CDK12: variants seen among roughly 807,000 people sequenced by gnomAD.
CDK12 encodes the protein cyclin dependent kinase 12.
CDK12 carries 17 observed loss-of-function variants against 133.8 expected under a neutral mutation model. The ratio of observed to expected loss-of-function variants is 0.13; its 90% CI spans 0.09 to 0.19. CDK12 has a LOEUF of 0.19. CDK12 is among the 10% of genes least tolerant of loss of function. The pLI is 1.00. For synonymous variants in CDK12, 694 were observed against 683.6 expected, an observed-to-expected ratio of 1.02 and a Z score of -0.24; for missense variants, 1,508 against 1,818.7, an observed-to-expected ratio of 0.83 and a Z score of 3.11.
At chr17:39,515,137 G>C (rs1368277532) in intron 8 of CDK12, among the ~76,000 whole-genome samples, 1 of 152,124 alleles carries the variant, frequency 6.6e-6, no homozygotes, top group Non-Finnish European at 1.5e-5. Flanking sequence ...ACTTGAACCT[G>C]GGAGGCAAAG....
intron 13 of CDK12, among the ~76,000 whole-genome samples, chr17:39,529,700 A>G (rs1374915727): frequency 6.6e-6 from 1 of 152,244 alleles, no homozygotes; most frequent in African/African-American, 2.4e-5. Context: ...AGCAGTGGAA[A>G]AAAGAAAGTC....
intron 2 of CDK12, among the ~76,000 whole-genome samples, chr17:39,475,346 A>G (rs1400708250): frequency 5.9e-5 from 9 of 151,838 alleles, no homozygotes; most frequent in Non-Finnish European, 1.3e-4. Context: ...GGTGGCAGGT[A>G]CCTTTAGCCC....
At chr17:39,540,134 G>T (rs1225094910) in intron 1 of CDK12, among the ~76,000 whole-genome samples, 20 of 152,202 alleles carry the variant, frequency 1.3e-4, no homozygotes. Flanking sequence ...AGTAGAGTAA[G>T]ACAAGGAGAA....
intron 1 of CDK12, among the ~76,000 whole-genome samples, chr17:39,464,682 A>G (rs894000677): frequency 3.3e-5 from 5 of 152,094 alleles, no homozygotes; most frequent in African/African-American, 1.2e-4. Context: ...AAAATTTTCC[A>G]GCACAGAAAG....
chr17:39,476,749 G>A (rs1185848836), intron 2 of CDK12, among the ~76,000 whole-genome samples: 2 of 8,274 alleles, frequency 2.4e-4, no homozygotes, highest in Admixed American at 4.5e-3. Flanking sequence ...TTGAGACAGA[G>A]TTCTGCTCTG....
rs1311838642 is a variant in CDK12, at chr17:39,530,901, C to T, written c.4058C>T (p.Thr1353Ile). Residue 1353 changes from threonine to isoleucine, a missense_variant, in exon 14 of 14, where the codon ACT becomes ATT. Thr to Ile is a moderately conservative substitution (Grantham distance 89). Around this residue, in one of 9 missense-constraint regions of CDK12, gnomAD observed 399 missense variants for 469.6 expected, o/e 0.85. Transcript: ENST00000447079. ...GPETGFSAID[T>I]DERNSGPALT... ...GAAACAGGGTTCAGTGCCATTGACA[C>T]TGATGAACGAAACTCTGGTCCAGCC... The T allele has an allele frequency of 6.2e-7, 1 of 1,614,058 alleles. No homozygotes were observed. The highest frequency in any genetic ancestry group is 8.5e-7 in the Non-Finnish European group (1 of 1,180,034).
chr17:39,542,336 G>A (rs2055465929), intron 1 of CDK12, among the ~76,000 whole-genome samples: 1 of 151,394 alleles, frequency 6.6e-6, no homozygotes, highest in Non-Finnish European at 1.5e-5. Context: ...TAATTTTTTT[G>A]TATTATGTAG....
chr17:39,491,828 G>A (rs1010632597), intron 3 of CDK12, among the ~76,000 whole-genome samples: 1 of 147,386 alleles, frequency 6.8e-6, no homozygotes, highest in Non-Finnish European at 1.5e-5. Flanking sequence ...AGTAAAAAAT[G>A]TATAAAAGAT....
At chr17:39,510,114 C>CTCTT (rs1555569938) in intron 7 of CDK12, among the ~76,000 whole-genome samples, 71 of 125,472 alleles carry the variant, frequency 5.7e-4, no homozygotes, top group African/African-American at 2.3e-3. Context: ...CAATCTCTCT[C>CTCTT]TTTTTTTTTT....
intron 1 of CDK12, 43 bp from the exon 2 acceptor site, chr17:39,470,836 T>C (rs947889462): frequency 3.4e-6 from 5 of 1,481,742 alleles, no homozygotes; most frequent in South Asian, 2.6e-5. Context: ...CTCCATATAC[T>C]ACTGTAGTCC....
chr17:39,525,434 T>G (rs118005313), intron 12 of CDK12, among the ~76,000 whole-genome samples: 162 of 152,358 alleles, frequency 1.1e-3, no homozygotes, highest in South Asian at 2.5e-3. Flanking sequence ...TCTTCACTTA[T>G]AGCAGTGGCT....
chr17:39,528,034 G>A lies in CDK12; in HGVS notation c.3760+1718G>A, dbSNP rs929855891. Among the ~76,000 whole-genome samples the A allele has an allele frequency of 2.6e-5, 4 of 152,010 alleles. No individual in the cohort carries two copies. The East Asian group carries it at 7.8e-4, about 29-fold the overall frequency. On this transcript the variant is annotated intron_variant, in intron 13 of 13. Transcript: ENST00000447079. ...GGGTTCAAGCAATTCTCCTGCCTCAGCCTCCCAAGTAGCTGGGATTACAGG... is the reference window on the plus strand; with the variant it reads ...GGGTTCAAGCAATTCTCCTGCCTCAACCTCCCAAGTAGCTGGGATTACAGG...
chr17:39,544,625 C>CTTTTTTT (rs71147355), upstream of CDK12, among the ~76,000 whole-genome samples: 1 of 60,908 alleles, frequency 1.6e-5, no homozygotes, highest in Non-Finnish European at 3.0e-5. Context: ...AACAGGCGAT[C>CTTTTTTT]TTTTTTTTTT....
At chr17:39,480,253 A>G (rs1316330651) in intron 2 of CDK12, among the ~76,000 whole-genome samples, 1 of 147,694 alleles carries the variant, frequency 6.8e-6, no homozygotes, top group African/African-American at 2.5e-5. Flanking sequence ...TGGGAAAAGA[A>G]TGAAACTTTA....
At chr17:39,502,277 C>T (rs527592367) in intron 6 of CDK12, among the ~76,000 whole-genome samples, 9 of 152,212 alleles carry the variant, frequency 5.9e-5, no homozygotes, top group East Asian at 3.9e-4. Context: ...CTCAGCTTCC[C>T]GAATAGCTGG....
intron 5 of CDK12, among the ~76,000 whole-genome samples, chr17:39,495,165 G>A (rs2051975958): frequency 6.6e-6 from 1 of 152,034 alleles, no homozygotes. Flanking sequence ...TGCAGCCTCT[G>A]CCTCTCGGGT....
chr17:39,516,364 AT>A (rs796443700), intron 9 of CDK12, among the ~76,000 whole-genome samples: 82 of 145,444 alleles, frequency 5.6e-4, no homozygotes, highest in Admixed American at 6.9e-4. Flanking sequence ...TGTTTTTTGT[AT>A]TTTTTTTTTT....
At chr17:39,468,931 T>C (rs7223896) in intron 1 of CDK12, among the ~76,000 whole-genome samples, 96,113 of 151,902 alleles carry the variant, frequency 0.63, 33,103 homozygotes, top group South Asian at 0.89. Flanking sequence ...TGGGTTCAAG[T>C]GATTCTCCTC....
intron 6 of CDK12, 49 bp downstream of exon 6, chr17:39,501,488 C>T (rs1237542583): frequency 7.6e-7 from 1 of 1,309,846 alleles, no homozygotes; most frequent in Non-Finnish European, 1.1e-6. Flanking sequence ...TCTCCTCTGA[C>T]CTTTTTAGTT....
Sources: gnomAD v4.1 joint callset for allele counts (sites outside exome capture counted in the v4.1 genomes callset) on GRCh38, gnomAD v4.1.1 for gene constraint, gnomAD v4.1.1 regional missense constraint, MANE v1.5 for transcripts, NCBI Gene and HGNC (gene_info 2026-07-23, HGNC 2026-07-21) for gene names.